SLC24A3: variants seen among roughly 807,000 people sequenced by gnomAD.
The protein encoded by SLC24A3 is solute carrier family 24 member 3.
SLC24A3 carries 28 observed loss-of-function variants against 75.8 expected under a neutral mutation model. The ratio of observed to expected loss-of-function variants is 0.37; its 90% CI spans 0.27 to 0.51. The LOEUF (loss-of-function observed/expected upper bound fraction) is 0.51, where lower values mean the gene tolerates loss of function less well. Ranked by LOEUF, SLC24A3 falls within the 20% of genes least tolerant of loss-of-function variation. The probability of loss-of-function intolerance (pLI) is 0.94; values close to 1 mark genes in which losing one functional copy is unlikely to be tolerated. For missense variants in SLC24A3, 663 were observed against 847.8 expected, an observed-to-expected ratio of 0.78 and a Z score of 2.71; for synonymous variants, 372 against 334.1, an observed-to-expected ratio of 1.11 and a Z score of -1.24.
At position 19,691,642 on chromosome 20, in the gene SLC24A3, G is replaced by A. The variant is rs115931003; in HGVS notation, c.1325-1617G>A. ...AGGCCTTGGTGAACCTGGCCCCAGC[G>A]GAGGCTGTGGGGATGATGAGATGGT... On this transcript the variant is annotated intron_variant, in intron 12 of 16. Coordinates refer to ENST00000328041, the MANE Select transcript of SLC24A3 (RefSeq NM_020689.4). Among the ~76,000 whole-genome samples the A allele has an allele frequency of 6.3e-3, 966 of 152,256 alleles. 16 individuals are homozygous for A. The highest frequency in any genetic ancestry group is 0.022 in the African/African-American group (912 of 41,524).
intron 2 of SLC24A3, among the ~76,000 whole-genome samples, chr20:19,503,847 C>T (rs1988423399): frequency 6.6e-6 from 1 of 152,158 alleles, no homozygotes; most frequent in South Asian, 2.1e-4. Flanking sequence ...TACCTTCAAG[C>T]AGATGGATTA....
intron 2 of SLC24A3, among the ~76,000 whole-genome samples, chr20:19,502,674 G>C (rs1187267154): frequency 6.6e-6 from 1 of 151,850 alleles, no homozygotes; most frequent in Non-Finnish European, 1.5e-5. Flanking sequence ...ACTGTTCAGA[G>C]GAAGATGACA....
At chr20:19,256,785 A>T (rs1982830382) in intron 1 of SLC24A3, among the ~76,000 whole-genome samples, 1 of 151,944 alleles carries the variant, frequency 6.6e-6, no homozygotes, top group Non-Finnish European at 1.5e-5. Context: ...AAAAAAAAAA[A>T]AAAGAGAATT....
At chr20:19,619,882 A>G (rs2031782075) in intron 6 of SLC24A3, among the ~76,000 whole-genome samples, 1 of 152,218 alleles carries the variant, frequency 6.6e-6, no homozygotes, top group Non-Finnish European at 1.5e-5. Flanking sequence ...AGATTAAACT[A>G]TGGCAAGGGA....
chr20:19,686,317 A>G (rs974241262), intron 12 of SLC24A3, among the ~76,000 whole-genome samples: 2 of 152,210 alleles, frequency 1.3e-5, no homozygotes, highest in Non-Finnish European at 2.9e-5. Flanking sequence ...CTCAGCCACC[A>G]GGGTGGTGTC....
chr20:19,438,544 A>G (rs777301730), intron 2 of SLC24A3, among the ~76,000 whole-genome samples: 2 of 151,952 alleles, frequency 1.3e-5, no homozygotes, highest in Non-Finnish European at 2.9e-5. Flanking sequence ...GTAGACACCA[A>G]GCAACTCATT....
chr20:19,365,670 T>G (rs1048926853), intron 2 of SLC24A3, among the ~76,000 whole-genome samples: 3 of 152,338 alleles, frequency 2.0e-5, no homozygotes, highest in East Asian at 1.9e-4. Flanking sequence ...GTTCACACTT[T>G]ACGTAAGAGT....
intron 6 of SLC24A3, among the ~76,000 whole-genome samples, chr20:19,652,868 C>T (rs1280501613): frequency 1.3e-5 from 2 of 152,134 alleles, no homozygotes; most frequent in Admixed American, 6.5e-5. Context: ...CTGTCATTGC[C>T]ACGGCTGAGA....
intron 1 of SLC24A3, among the ~76,000 whole-genome samples, chr20:19,270,294 G>A (rs900203487): frequency 2.0e-5 from 3 of 152,002 alleles, no homozygotes; most frequent in African/African-American, 4.8e-5. Flanking sequence ...ACAGAATCTC[G>A]GTGCCCACCC....
At chr20:19,398,678 T>G (rs1422717942) in intron 2 of SLC24A3, among the ~76,000 whole-genome samples, 1 of 152,208 alleles carries the variant, frequency 6.6e-6, no homozygotes, top group African/African-American at 2.4e-5. Context: ...TTATTTATTT[T>G]TCTTGTCTTA....
chr20:19,546,263 T>C (rs1159713445), intron 3 of SLC24A3, among the ~76,000 whole-genome samples: 1 of 150,492 alleles, frequency 6.6e-6, no homozygotes, highest in Non-Finnish European at 1.5e-5. Context: ...AGTATCTTGA[T>C]GCTATAATGA....
intron 2 of SLC24A3, among the ~76,000 whole-genome samples, chr20:19,298,696 TTAC>T (rs1281205576): frequency 6.6e-6 from 1 of 152,178 alleles, no homozygotes; most frequent in Non-Finnish European, 1.5e-5. Flanking sequence ...AATAGAAGCT[TTAC>T]TCACAAAGAT....
At chr20:19,486,447 A>C (rs1325620495) in intron 2 of SLC24A3, among the ~76,000 whole-genome samples, 2 of 152,242 alleles carry the variant, frequency 1.3e-5, no homozygotes. Context: ...GTATGTTTTA[A>C]AAAAGTAAAT....
At chr20:19,341,334 T>A (rs1225696897) in intron 2 of SLC24A3, among the ~76,000 whole-genome samples, 1 of 152,096 alleles carries the variant, frequency 6.6e-6, no homozygotes. Context: ...ACATAACAGA[T>A]CAGAATTTCC....
At chr20:19,519,649 G>A (rs191515603) in intron 3 of SLC24A3, among the ~76,000 whole-genome samples, 93 of 152,278 alleles carry the variant, frequency 6.1e-4, no homozygotes, top group African/African-American at 2.2e-3. Flanking sequence ...TTATAACATT[G>A]AAACACTAAA....
At chr20:19,353,317 AG>A (rs1352669174) in intron 2 of SLC24A3, among the ~76,000 whole-genome samples, 1 of 152,218 alleles carries the variant, frequency 6.6e-6, no homozygotes, top group Non-Finnish European at 1.5e-5. Flanking sequence ...TTTGGAAGGT[AG>A]GTCATCTACA....
chr20:19,673,092 T>C (rs941975144), intron 8 of SLC24A3, among the ~76,000 whole-genome samples: 8 of 152,236 alleles, frequency 5.3e-5, no homozygotes, highest in Non-Finnish European at 7.3e-5. Context: ...TTCCCACTTA[T>C]TCCTTCTTAC....
At chr20:19,510,911 A>G (rs1304247737) in intron 2 of SLC24A3, among the ~76,000 whole-genome samples, 1 of 152,106 alleles carries the variant, frequency 6.6e-6, no homozygotes, top group Non-Finnish European at 1.5e-5. Context: ...TTGATATATC[A>G]CCTGTGACTC....
At chr20:19,686,858 G>C (rs1056096201) in intron 12 of SLC24A3, among the ~76,000 whole-genome samples, 3 of 152,110 alleles carry the variant, frequency 2.0e-5, no homozygotes, top group African/African-American at 7.2e-5. Flanking sequence ...TTACTTGTTA[G>C]TACATTATCT....
Sources: allele counts gnomAD v4.1 joint callset (sites outside exome capture counted in the v4.1 genomes callset), GRCh38; gene constraint gnomAD v4.1.1; transcripts MANE v1.5; gene names NCBI Gene and HGNC (gene_info 2026-07-23, HGNC 2026-07-21).